HUNK: variants seen among roughly 807,000 people sequenced by gnomAD.
The protein encoded by HUNK is hormonally up-regulated Neu-associated kinase, also known as hormonally up-regulated neu tumor-associated kinase.
HUNK carries 21 observed loss-of-function variants against 61.0 expected under a neutral mutation model. That is an observed-to-expected ratio of 0.34 (90% confidence interval 0.24 to 0.50). HUNK has a LOEUF of 0.50. HUNK is among the 20% of genes least tolerant of loss of function. The probability of loss-of-function intolerance (pLI) is 0.98; values close to 1 mark genes in which losing one functional copy is unlikely to be tolerated. For synonymous variants in HUNK, 371 were observed against 386.1 expected (o/e 0.96, Z 0.46); for missense variants, 772 against 945.7 (o/e 0.82, Z 2.41).
intron 1 of HUNK, among the ~76,000 whole-genome samples, chr21:31,897,287 CTG>C (rs1164795239): frequency 1.2e-4 from 19 of 152,100 alleles, no homozygotes; most frequent in African/African-American, 4.6e-4. Flanking sequence ...CAACAAAAAA[CTG>C]TGTGGCTTCA....
intron 7 of HUNK, among the ~76,000 whole-genome samples, 193 bp from the exon 8 acceptor site, chr21:31,983,333 C>G (rs1209165186): frequency 6.6e-6 from 1 of 152,190 alleles, no homozygotes; most frequent in Non-Finnish European, 1.5e-5. Flanking sequence ...CCTGACTCTG[C>G]GCCCAGGGCT....
chr21:31,950,333 G>GA (rs112110073), intron 4 of HUNK, among the ~76,000 whole-genome samples: 2 of 151,686 alleles, frequency 1.3e-5, no homozygotes, highest in Non-Finnish European at 2.9e-5. Flanking sequence ...AAACTGGTGA[G>GA]AAAAAAAACC....
intron 1 of HUNK, among the ~76,000 whole-genome samples, chr21:31,881,635 G>A (rs1045306279): frequency 2.0e-5 from 3 of 151,834 alleles, no homozygotes; most frequent in Non-Finnish European, 2.9e-5. Flanking sequence ...AACAGCAGCA[G>A]CAACAACAAC....
chr21:31,920,582 A>G (rs922464385), intron 1 of HUNK, among the ~76,000 whole-genome samples: 1 of 152,214 alleles, frequency 6.6e-6, no homozygotes, highest in Non-Finnish European at 1.5e-5. Context: ...GAGGATGGAT[A>G]TGAAATATGT....
intron 9 of HUNK, among the ~76,000 whole-genome samples, chr21:31,994,696 T>C (rs2053191604): frequency 6.6e-6 from 1 of 152,242 alleles, no homozygotes; most frequent in Non-Finnish European, 1.5e-5. Context: ...CAGTTCAGTT[T>C]CTACCAGCCC....
At chr21:31,972,566 A>G (rs1255859119) in intron 6 of HUNK, among the ~76,000 whole-genome samples, 1 of 152,190 alleles carries the variant, frequency 6.6e-6, no homozygotes, top group Non-Finnish European at 1.5e-5. Flanking sequence ...TTCTTCCAGA[A>G]CACCCCATAC....
At chr21:31,874,165 C>T (rs764676766) in intron 1 of HUNK, among the ~76,000 whole-genome samples, 1 of 151,974 alleles carries the variant, frequency 6.6e-6, no homozygotes, top group Non-Finnish European at 1.5e-5. Flanking sequence ...AGGGGACGGC[C>T]TTGCCCCGGG....
At chr21:31,884,371 C>T (rs1321688739) in intron 1 of HUNK, among the ~76,000 whole-genome samples, 1 of 152,094 alleles carries the variant, frequency 6.6e-6, no homozygotes, top group African/African-American at 2.4e-5. Flanking sequence ...GTGGGTGGAT[C>T]ACTTGAGGTC....
intron 5 of HUNK, among the ~76,000 whole-genome samples, chr21:31,961,231 GT>G (rs71193161): frequency 3.4e-5 from 5 of 149,016 alleles, no homozygotes; most frequent in Admixed American, 1.3e-4. Flanking sequence ...AATCTGAGCT[GT>G]TTTTTTTTTA....
intron 1 of HUNK, among the ~76,000 whole-genome samples, chr21:31,906,420 G>T (rs113203557): frequency 2.0e-5 from 3 of 152,190 alleles, no homozygotes; most frequent in Admixed American, 6.5e-5. Context: ...TCCAGATTTT[G>T]TGGTTGCCGT....
intron 1 of HUNK, among the ~76,000 whole-genome samples, chr21:31,903,291 G>A (rs2052481519): frequency 6.6e-6 from 1 of 152,048 alleles, no homozygotes; most frequent in South Asian, 2.1e-4. Context: ...GTTCTTGTAA[G>A]TGGAAAACAT....
At position 31,979,512 on chromosome 21, in the gene HUNK, ATTCTTTTTTTTT is replaced by A. The variant is rs1262592741; in HGVS notation, c.1174-4011_1174-4000del. 3.7e-4 allele frequency among the ~76,000 whole-genome samples: 37 copies of A among 99,520 alleles called. 3 individuals carry two copies. Among genetic ancestry groups the A allele is most frequent in the East Asian group, 1.8e-3 (6 of 3,342 alleles). 65.3% of individuals were successfully genotyped at this position (99,520 alleles called of 152,430 possible). On this transcript the variant is annotated intron_variant, in intron 7 of 10. Coordinates refer to ENST00000270112, the MANE Select transcript of HUNK (RefSeq NM_014586.2). The stretch of plus-strand genomic sequence containing the variant: ...GTTTTCTGGCTATTGAGTTGTTTGC[ATTCTTTTTTTTT>A]TTTTTTTTTTTTTTTTTTTGAGATG...
chr21:31,989,773 A>G (rs1249672252), intron 8 of HUNK, among the ~76,000 whole-genome samples: 1 of 151,128 alleles, frequency 6.6e-6, no homozygotes, highest in Non-Finnish European at 1.5e-5. Context: ...GGCAGAGGAC[A>G]TGGGGATGGC....
chr21:31,906,842 AG>A (rs2052509236), intron 1 of HUNK, among the ~76,000 whole-genome samples: 1 of 152,086 alleles, frequency 6.6e-6, no homozygotes. Context: ...TGTCCCTTAC[AG>A]TTGCCTCTCA....
intron 1 of HUNK, among the ~76,000 whole-genome samples, chr21:31,874,939 G>A (rs2052248718): frequency 6.6e-6 from 1 of 152,150 alleles, no homozygotes; most frequent in African/African-American, 2.4e-5. Flanking sequence ...TTTTGAGGCC[G>A]GGTCACCCCA....
chr21:31,983,010 C>A (rs1353718016), intron 7 of HUNK, among the ~76,000 whole-genome samples: 1 of 152,132 alleles, frequency 6.6e-6, no homozygotes, highest in African/African-American at 2.4e-5. Flanking sequence ...GCCACGTTGG[C>A]CAGGCTGGTC....
At chr21:31,892,938 C>G (rs2052401577) in intron 1 of HUNK, among the ~76,000 whole-genome samples, 1 of 150,860 alleles carries the variant, frequency 6.6e-6, no homozygotes, top group Non-Finnish European at 1.5e-5. Context: ...CACCCTGCCC[C>G]CTGCCTCAAG....
At chr21:31,941,112 C>T (rs1049685643) in intron 3 of HUNK, among the ~76,000 whole-genome samples, 1 of 152,146 alleles carries the variant, frequency 6.6e-6, no homozygotes, top group East Asian at 1.9e-4. Flanking sequence ...TTACAGTCAG[C>T]TCCCAATTCA....
intron 1 of HUNK, among the ~76,000 whole-genome samples, chr21:31,922,100 T>C (rs2052626234): frequency 6.6e-6 from 1 of 152,062 alleles, no homozygotes; most frequent in Non-Finnish European, 1.5e-5. Flanking sequence ...CACTGCAACC[T>C]CTACCTCCCA....
Sources: gnomAD v4.1 joint callset for allele counts (sites outside exome capture counted in the v4.1 genomes callset) on GRCh38, gnomAD v4.1.1 for gene constraint, MANE v1.5 for transcripts, NCBI Gene and HGNC (gene_info 2026-07-23, HGNC 2026-07-21) for gene names.